The following SRGAP2B variants were observed in gnomAD, a reference collection of about 807,000 sequenced individuals.
SRGAP2B encodes the protein SLIT-ROBO Rho GTPase-activating protein 2B.
A neutral mutation model predicts 22.2 loss-of-function variants in SRGAP2B; 9 were observed. That is an observed-to-expected ratio of 0.41 (90% confidence interval 0.24 to 0.71). SRGAP2B has a LOEUF of 0.71. Ranked by LOEUF, SRGAP2B falls within the 30% of genes least tolerant of loss-of-function variation. SRGAP2B has a pLI of 0.35. For synonymous variants in SRGAP2B, 36 were observed against 87.4 expected, an observed-to-expected ratio of 0.41 and a Z score of 3.28; for missense variants, 114 against 235.8, an observed-to-expected ratio of 0.48 and a Z score of 3.38.
At chr1:144,910,305 T>C (rs1233488691) in intron 5 of SRGAP2B, among the ~76,000 whole-genome samples, 11 of 149,856 alleles carry the variant, frequency 7.3e-5, no homozygotes, top group Non-Finnish European at 1.5e-4. Flanking sequence ...CACTTCATTT[T>C]TCACTTGATG....
At position 144,970,052 on chromosome 1, in the gene SRGAP2B, C is replaced by T. The variant is rs1445630619; in HGVS notation, c.261-14451G>A. Among the ~76,000 whole-genome samples the T allele has an allele frequency of 6.3e-4, 94 of 149,806 alleles. 1 individual carries two copies. Among genetic ancestry groups the T allele is most frequent in the South Asian group, 1.3e-3 (6 of 4,788 alleles). ...AAACACTTTTACACTGTTGGTGGGACTGTAAACTAGTTCAACCATTGTGGA... is the reference window on the plus strand; with the variant it reads ...AAACACTTTTACACTGTTGGTGGGATTGTAAACTAGTTCAACCATTGTGGA... On this transcript the variant is annotated intron_variant, in intron 3 of 9. Transcript: ENST00000612199.
intron 3 of SRGAP2B, among the ~76,000 whole-genome samples, chr1:144,966,018 G>T (rs1165335997): frequency 6.6e-6 from 1 of 150,784 alleles, no homozygotes. Flanking sequence ...CGTCTGATTG[G>T]TGTACCTGAA....
At chr1:144,940,626 C>G (rs1665956330) in intron 4 of SRGAP2B, among the ~76,000 whole-genome samples, 1 of 142,234 alleles carries the variant, frequency 7.0e-6, no homozygotes, top group African/African-American at 2.7e-5. Flanking sequence ...TGGTGAAACC[C>G]CACCTCTACT....
chr1:144,983,024 C>T lies in SRGAP2B; in HGVS notation c.260+11984G>A, dbSNP rs587620651. ...CCAACCCTTGCAACACCAGATGCTACATCTGGGCAAAATCTTTCCTGAGGG... is the reference window on the plus strand; with the variant it reads ...CCAACCCTTGCAACACCAGATGCTATATCTGGGCAAAATCTTTCCTGAGGG... On this transcript the variant is annotated intron_variant, in intron 3 of 9. Coordinates refer to ENST00000612199, the Ensembl canonical transcript of SRGAP2B. Among the ~76,000 whole-genome samples the T allele has an allele frequency of 2.0e-3, 300 of 149,704 alleles. 3 individuals carry two copies. The highest frequency in any genetic ancestry group is 3.1e-3 in the Non-Finnish European group (213 of 67,922).
chr1:144,975,065 T>A (rs1261417548), intron 3 of SRGAP2B, among the ~76,000 whole-genome samples: 1 of 148,176 alleles, frequency 6.7e-6, no homozygotes, highest in Admixed American at 6.6e-5. Flanking sequence ...TCTCAGTGCA[T>A]GTCTGGCCTA....
intron 3 of SRGAP2B, among the ~76,000 whole-genome samples, chr1:144,992,083 G>A (rs1459295038): frequency 6.7e-6 from 1 of 150,088 alleles, no homozygotes; most frequent in East Asian, 1.9e-4. Flanking sequence ...GAGACCACAA[G>A]CCCACCGGGA....
intron 3 of SRGAP2B, among the ~76,000 whole-genome samples, chr1:144,965,865 C>T (rs1289790981): frequency 6.3e-5 from 9 of 143,694 alleles, no homozygotes; most frequent in East Asian, 2.0e-4. Context: ...GGAGCCGATG[C>T]GATCAACTGG....
intron 2 of SRGAP2B, among the ~76,000 whole-genome samples, chr1:145,040,607 T>C (rs1317386576): frequency 1.3e-5 from 2 of 149,602 alleles, no homozygotes; most frequent in East Asian, 2.0e-4. Flanking sequence ...TGTTCCAATA[T>C]GGCTTATTCA....
intron 2 of SRGAP2B, among the ~76,000 whole-genome samples, chr1:145,000,979 T>TG (rs1671103903): frequency 1.4e-5 from 2 of 147,030 alleles, no homozygotes; most frequent in Admixed American, 1.3e-4. Flanking sequence ...CACAAACACA[T>TG]GAAGTCACCT....
At chr1:144,931,339 C>T (rs1665164562) in intron 4 of SRGAP2B, among the ~76,000 whole-genome samples, 1 of 149,532 alleles carries the variant, frequency 6.7e-6, no homozygotes, top group African/African-American at 2.5e-5. Context: ...TAAACTCCTT[C>T]AATGCTATTT....
intron 5 of SRGAP2B, among the ~76,000 whole-genome samples, chr1:144,908,775 CT>C (rs1663173336): frequency 7.4e-6 from 1 of 135,494 alleles, no homozygotes. Context: ...CAAGATAGGA[CT>C]TAGATATATA....
At chr1:145,066,661 C>T (rs1436794986) in intron 2 of SRGAP2B, among the ~76,000 whole-genome samples, 12 of 151,732 alleles carry the variant, frequency 7.9e-5, no homozygotes, top group South Asian at 2.1e-4. Context: ...GCGCCCAGGC[C>T]GTCTGGCTAC....
intron 3 of SRGAP2B, among the ~76,000 whole-genome samples, chr1:144,976,674 G>T: frequency 6.9e-6 from 1 of 144,288 alleles, no homozygotes; most frequent in East Asian, 2.0e-4. Context: ...AGAACGATGG[G>T]GACATATCAA....
intron 2 of SRGAP2B, among the ~76,000 whole-genome samples, chr1:145,080,282 ACTCT>A (rs1249295498): frequency 6.8e-6 from 1 of 146,592 alleles, no homozygotes; most frequent in Non-Finnish European, 1.5e-5. Flanking sequence ...CCATCAAGTA[ACTCT>A]CTCTCCCCTC....
chr1:145,011,344 G>A (rs1271911201), intron 2 of SRGAP2B, among the ~76,000 whole-genome samples: 2 of 123,860 alleles, frequency 1.6e-5, no homozygotes, highest in Admixed American at 8.2e-5. Flanking sequence ...TTCAGTCATA[G>A]GATCTGTTTT....
chr1:145,061,761 ATTT>A (rs1296857759), intron 2 of SRGAP2B, among the ~76,000 whole-genome samples: 1 of 132,006 alleles, frequency 7.6e-6, no homozygotes, highest in Admixed American at 7.5e-5. Flanking sequence ...TAATTTTTGT[ATTT>A]TTTTTTTTTT....
intron 2 of SRGAP2B, among the ~76,000 whole-genome samples, chr1:145,015,705 C>A (rs2102260411): frequency 7.2e-6 from 1 of 139,116 alleles, no homozygotes; most frequent in South Asian, 2.3e-4. Flanking sequence ...CCAGAGGCAA[C>A]AGAAAAGAAG....
intron 3 of SRGAP2B, among the ~76,000 whole-genome samples, chr1:144,973,366 G>T (rs1235059087): frequency 8.3e-6 from 1 of 120,654 alleles, no homozygotes; most frequent in Non-Finnish European, 1.6e-5. Flanking sequence ...TTTTCTTTCA[G>T]TTACCATCCA....
chr1:144,948,909 CTTT>C (rs57634038), intron 4 of SRGAP2B, among the ~76,000 whole-genome samples: 2 of 100,232 alleles, frequency 2.0e-5, no homozygotes, highest in African/African-American at 8.7e-5. Flanking sequence ...ATATGGACCT[CTTT>C]TTTTTTTTTT....
Sources: gnomAD v4.1 joint callset for allele counts (sites outside exome capture counted in the v4.1 genomes callset) on GRCh38, gnomAD v4.1.1 for gene constraint, MANE v1.5 for transcripts, NCBI Gene and HGNC (gene_info 2026-07-23, HGNC 2026-07-21) for gene names.